KMT2A: variants seen among roughly 807,000 people sequenced by gnomAD.
KMT2A encodes lysine methyltransferase 2A.
Under a neutral mutation model 345.3 loss-of-function variants are expected in KMT2A, and 16 were observed. That is an observed-to-expected ratio of 0.05 (90% CI 0.03 to 0.07). KMT2A has a LOEUF of 0.07. KMT2A is among the 10% of genes least tolerant of loss of function. The probability of loss-of-function intolerance (pLI) is 1.00; values close to 1 mark genes in which losing one functional copy is unlikely to be tolerated. For synonymous variants in KMT2A, 1,599 were observed against 1,778.6 expected, an observed-to-expected ratio of 0.90 and a Z score of 2.54; for missense variants, 3,272 against 4,841.6, an observed-to-expected ratio of 0.68 and a Z score of 9.62.
rs1233606694 is a variant in KMT2A at position 118,484,555 on chromosome 11, A to G, written c.4218+241A>G. 6.6e-6 allele frequency among the ~76,000 whole-genome samples: 1 copy of G among 152,230 alleles called. No homozygotes were observed. Among genetic ancestry groups the G allele is most frequent in the East Asian group, 1.9e-4 (1 of 5,192 alleles). On this transcript the variant is annotated intron_variant, in intron 9 of 35. Coordinates refer to ENST00000534358, the MANE Select transcript of KMT2A (RefSeq NM_001197104.2). This position sits in a 1 kb window ranked among gnomAD's most constrained non-coding sequence, Gnocchi z 4.1. ...TCCTATCCATCCTGAGCAGTATCAG[A>G]GGAAGTAATTCCTTCACATGGAAAG... is the stretch of plus-strand genomic sequence containing the variant.
At chr11:118,518,294 G>C (rs1013585223) in intron 31 of KMT2A, among the ~76,000 whole-genome samples, 1 of 152,144 alleles carries the variant, frequency 6.6e-6, no homozygotes, top group Non-Finnish European at 1.5e-5. Context: ...ATTTTAAAAT[G>C]AAAGCCTTTC....
chr11:118,498,530 TGAGA>T lies in KMT2A; in HGVS notation c.5961+6_5961+9del. On this transcript the variant is annotated splice_donor_5th_base_variant and intron_variant, in intron 22 of 35. Transcript: ENST00000534358. This position sits in a 1 kb window ranked among gnomAD's most constrained non-coding sequence, Gnocchi z 4.4. ...CATCGGGATTTGATCAAAGGCGAAG[TGAGA>T]GAGCTTTAGTTGCTTTAAAAAAAAA... 6.3e-7 allele frequency: 1 copy of T among 1,594,186 alleles called. No individual in the cohort carries two copies. Among genetic ancestry groups the T allele is most frequent in the Non-Finnish European group, 8.5e-7 (1 of 1,173,498 alleles).
Position 118,491,601 on chromosome 11 carries a change from A to G in KMT2A, c.4820-143A>G. On this transcript the variant is annotated intron_variant, in intron 14 of 35. Transcript: ENST00000534358. The surrounding 1 kb of genome is among the most constrained non-coding windows in gnomAD (Gnocchi z 4.2). The stretch of plus-strand genomic sequence containing the variant: ...AATAATGCCACTTTTTGAGATCAAT[A>G]TGTGTCATATCCATGAGGACATTAA... 1 of 681,734 alleles carries G rather than the reference A, an allele frequency of 1.5e-6. No individual in the cohort carries two copies. Among genetic ancestry groups the G allele is most frequent in the Non-Finnish European group, 2.4e-6 (1 of 422,036 alleles). The allele number at this position is 681,734 out of a possible 1,614,324, so 42.2% of individuals were successfully genotyped here.
intron 5 of KMT2A, among the ~76,000 whole-genome samples, chr11:118,479,366 A>C (rs1950093088): frequency 6.6e-6 from 1 of 152,222 alleles, no homozygotes; most frequent in African/African-American, 2.4e-5. Flanking sequence ...ATAAACAGAA[A>C]TTTTGGTGAT....
intron 3 of KMT2A, among the ~76,000 whole-genome samples, chr11:118,475,852 G>A (rs9332780): frequency 6.6e-6 from 1 of 152,248 alleles, no homozygotes; most frequent in Non-Finnish European, 1.5e-5. Flanking sequence ...GGATGTTTTT[G>A]TGATAGGAGC....
chr11:118,497,868 C>A lies in KMT2A; in HGVS notation c.5665-68C>A, dbSNP rs2134362533. 1.6e-6 allele frequency: 2 copies of A among 1,245,808 alleles called. No homozygotes were observed. The highest frequency in any genetic ancestry group is 1.2e-6 in the Non-Finnish European group (1 of 860,670). The allele number at this position is 1,245,808 out of a possible 1,614,324, so 77.2% of individuals were successfully genotyped here. A position where few individuals can be genotyped will look rare whatever the true frequency, so the allele number is the denominator to read the frequency against. ...CTTGAGGTTATCTTCACTGGAAAAG[C>A]TAATGCCGAGGAAAACCTCCTTTGG... On this transcript the variant is annotated intron_variant, in intron 20 of 35. Coordinates refer to ENST00000534358, the MANE Select transcript of KMT2A (RefSeq NM_001197104.2). This position sits in a 1 kb window ranked among gnomAD's most constrained non-coding sequence, Gnocchi z 4.8.
At position 118,498,133 on chromosome 11, in the gene KMT2A, C is replaced by G; in HGVS notation, c.5802+60C>G. On this transcript the variant is annotated intron_variant, in intron 21 of 35. Transcript: ENST00000534358. This position sits in a 1 kb window ranked among gnomAD's most constrained non-coding sequence, Gnocchi z 4.4. ...TCCCTCTCAGTTTCCAGATATTCTT[C>G]CTGTGGGTGAATATGGCCTCCCTGA... 3.2e-6 allele frequency: 5 copies of G among 1,574,280 alleles called. No homozygotes were observed. Among genetic ancestry groups the G allele is most frequent in the Non-Finnish European group, 4.4e-6 (5 of 1,148,608 alleles).
chr11:118,522,103 C>A lies in KMT2A; in HGVS notation c.11850C>A (p.Pro3950=). Reference sequence around the variant, plus strand: ...AACTCACTTACGACTATAAGTTCCCCATTGAGGATGCCAGCAACAAGCTGC... The same window carrying A: ...AACTCACTTACGACTATAAGTTCCCAATTGAGGATGCCAGCAACAAGCTGC... ...GEELTYDYKF[P]IEDASNKLPC... Residue 3950 remains proline, a synonymous_variant, in exon 36 of 36, where the codon CCC becomes CCA. Coordinates refer to ENST00000534358, the MANE Select transcript of KMT2A (RefSeq NM_001197104.2). This position sits in a 1 kb window ranked among gnomAD's most constrained non-coding sequence, Gnocchi z 5.4. The A allele has an allele frequency of 6.2e-7, 1 of 1,614,210 alleles. No homozygotes were observed. Among genetic ancestry groups the A allele is most frequent in the South Asian group, 1.1e-5 (1 of 91,078 alleles).
chr11:118,520,572 A>G lies in KMT2A; in HGVS notation c.11430-230A>G. 1.9e-6 allele frequency: 1 copy of G among 518,816 alleles called. No homozygotes were observed. The highest frequency in any genetic ancestry group is 3.5e-6 in the Non-Finnish European group (1 of 286,878). The allele number at this position is 518,816 out of a possible 1,614,324, so 32.1% of individuals were successfully genotyped here. On this transcript the variant is annotated intron_variant, in intron 33 of 35. Coordinates refer to ENST00000534358, the MANE Select transcript of KMT2A (RefSeq NM_001197104.2). The surrounding 1 kb of genome is among the most constrained non-coding windows in gnomAD (Gnocchi z 4.3). ...AGGCTGAGGCAAGAGAATCGCTTGAACCCAGGAGGCGGAGGTTACAGTGAG... is the reference window on the plus strand; with the variant it reads ...AGGCTGAGGCAAGAGAATCGCTTGAGCCCAGGAGGCGGAGGTTACAGTGAG...
At chr11:118,507,418 C>A in intron 27 of KMT2A, 111 bp from the exon 28 acceptor site, 1 of 920,802 alleles carries the variant, frequency 1.1e-6, no homozygotes, top group Non-Finnish European at 1.7e-6. Context: ...GTTTTGCTGG[C>A]TTATAGACTT....
intron 31 of KMT2A, among the ~76,000 whole-genome samples, chr11:118,519,232 G>A (rs1310421358): frequency 6.6e-6 from 1 of 152,082 alleles, no homozygotes; most frequent in African/African-American, 2.4e-5. Flanking sequence ...AGCCTTGGGA[G>A]TGTTACATCA....
rs1347222655 is a variant in KMT2A at position 118,497,066 on chromosome 11, G to A, written c.5664+699G>A. Among the ~76,000 whole-genome samples, 8 of 151,950 alleles carry A rather than the reference G, an allele frequency of 5.3e-5. No homozygotes were observed. The South Asian group carries it at 6.3e-4, about 12-fold the overall frequency. On this transcript the variant is annotated intron_variant, in intron 20 of 35. Coordinates refer to ENST00000534358, the MANE Select transcript of KMT2A (RefSeq NM_001197104.2). The surrounding 1 kb of genome is among the most constrained non-coding windows in gnomAD (Gnocchi z 4.8). ...GTTGCCCAGGCTGGAGTGCAATGGC[G>A]TGATCTCGGCTCACTACAACCTCCG...
chr11:118,489,345 G>C (rs1469290465), intron 11 of KMT2A, among the ~76,000 whole-genome samples: 1 of 152,090 alleles, frequency 6.6e-6, no homozygotes, highest in East Asian at 1.9e-4. Flanking sequence ...TCCTCTGGGG[G>C]TCCTGGAACC....
rs1307936361 is a variant in KMT2A at position 118,526,612 on chromosome 11, A to G, written c.*4440A>G. The G allele has an allele frequency of 4.3e-6, 1 of 231,638 alleles. No homozygotes were observed. The highest frequency in any genetic ancestry group is 2.2e-5 in the African/African-American group (1 of 45,278). 14.3% of individuals were successfully genotyped at this position (231,638 alleles called of 1,614,324 possible). A position where few individuals can be genotyped will look rare whatever the true frequency, so the allele number is the denominator to read the frequency against. On this transcript the variant is annotated 3_prime_UTR_variant, in exon 36 of 36. Transcript: ENST00000534358. The stretch of plus-strand genomic sequence containing the variant: ...AAAAAAAAAAAAGGAAAATGTGTCT[A>G]AAGTCCATCAGTGTTAACTCCCTGT...
At chr11:118,477,334 A>T (rs1950054501) in intron 4 of KMT2A, among the ~76,000 whole-genome samples, 2 of 152,092 alleles carry the variant, frequency 1.3e-5, no homozygotes, top group South Asian at 2.1e-4. Flanking sequence ...TGGGAGGCAC[A>T]TTCTCATGGC....
Position 118,471,729 on chromosome 11 carries a change from C to T in KMT2A, c.570C>T (p.Leu190=), listed in dbSNP as rs1555035541. ...RSGSDRNSAI[L]SDPSVFSPLN... is the part of the protein sequence containing the mutation. ...GCTCTGACCGAAATTCAGCTATCCTCTCAGATCCATCTGTGTTTTCCCCTC... is the reference window on the plus strand; with the variant it reads ...GCTCTGACCGAAATTCAGCTATCCTTTCAGATCCATCTGTGTTTTCCCCTC... Residue 190 remains leucine, a synonymous_variant, in exon 3 of 36, where the codon CTC becomes CTT. Coordinates refer to ENST00000534358, the MANE Select transcript of KMT2A (RefSeq NM_001197104.2). 1 of 1,611,302 alleles carries T rather than the reference C, an allele frequency of 6.2e-7. No homozygotes were observed. Among genetic ancestry groups the T allele is most frequent in the East Asian group, 2.2e-5 (1 of 44,884 alleles).
In KMT2A at chr11:118,526,435, GTAA is replaced by G. The variant is rs2135318637; in HGVS notation, c.*4264_*4266del. On this transcript the variant is annotated 3_prime_UTR_variant, in exon 36 of 36. Transcript: ENST00000534358. ...TATTGAACTTTTAACAGTCTCTTTA[GTAA>G]ATACAGGTAGTTGAATAATTGTTTC... is the stretch of plus-strand genomic sequence containing the variant. The G allele has an allele frequency of 4.4e-6, 1 of 228,328 alleles. No homozygotes were observed. The highest frequency in any genetic ancestry group is 2.2e-5 in the African/African-American group (1 of 45,192). The allele number at this position is 228,328 out of a possible 1,614,324, so 14.1% of individuals were successfully genotyped here. A position where few individuals can be genotyped will look rare whatever the true frequency, so the allele number is the denominator to read the frequency against.
Position 118,503,536 on chromosome 11 carries a change from T to C in KMT2A, c.7644T>C (p.Ala2548=). ...SKNALKESSP[A]SPLQIESTSP... ...ATGCCCTGAAAGAAAGTAGTCCTGC[T>C]TCCCCTTTGCAAATAGAGTCAACAT... The change falls in exon 27 of 36, where the codon GCT becomes GCC. Residue 2548 remains alanine, a synonymous_variant. Transcript: ENST00000534358. The surrounding 1 kb of genome is among the most constrained non-coding windows in gnomAD (Gnocchi z 5.3). 2 of 1,614,118 alleles carry C rather than the reference T, an allele frequency of 1.2e-6. No homozygotes were observed. Among genetic ancestry groups the C allele is most frequent in the South Asian group, 2.2e-5 (2 of 91,074 alleles).
chr11:118,473,550 T>G lies in KMT2A; in HGVS notation c.2391T>G (p.Thr797=). ...LATSALNPTF[T]FPSHSLTQSG... Reference sequence around the variant, plus strand: ...CTAGTGCCTTAAACCCAACTTTTACTTTTCCTTCTCATTCCCTGACTCAGT... The same window carrying G: ...CTAGTGCCTTAAACCCAACTTTTACGTTTCCTTCTCATTCCCTGACTCAGT... The change falls in exon 3 of 36, where the codon ACT becomes ACG. Residue 797 remains threonine, a synonymous_variant. Transcript: ENST00000534358. The surrounding 1 kb of genome is among the most constrained non-coding windows in gnomAD (Gnocchi z 5.2). 1 of 1,614,112 alleles carries G rather than the reference T, an allele frequency of 6.2e-7. No homozygotes were observed. Among genetic ancestry groups the G allele is most frequent in the Non-Finnish European group, 8.5e-7 (1 of 1,180,038 alleles).
Sources: gnomAD v4.1 joint callset for allele counts (sites outside exome capture counted in the v4.1 genomes callset) on GRCh38, gnomAD v4.1.1 for gene constraint, Gnocchi (gnomAD v3.1) non-coding constraint, MANE v1.5 for transcripts, NCBI Gene and HGNC (gene_info 2026-07-23, HGNC 2026-07-21) for gene names.